The following KCNMA1 variants were observed in gnomAD, a reference collection of about 807,000 sequenced individuals.
KCNMA1 encodes Calcium-activated potassium channel subunit alpha-1.
Under a neutral mutation model 140.0 loss-of-function variants are expected in KCNMA1, and 29 were observed. That is an observed-to-expected ratio of 0.21 (90% CI 0.15 to 0.28). KCNMA1 has a LOEUF of 0.28. Among genes scored for constraint, KCNMA1 ranks in the 10% least tolerant of loss-of-function variants. The pLI is 1.00. For missense variants in KCNMA1, 880 were observed against 1,602.2 expected, an observed-to-expected ratio of 0.55 and a Z score of 7.70; for synonymous variants, 612 against 611.9, an observed-to-expected ratio of 1.00 and a Z score of 0.00.
intron 1 of KCNMA1, among the ~76,000 whole-genome samples, chr10:77,412,717 A>G (rs1200515867): frequency 1.3e-5 from 2 of 152,196 alleles, no homozygotes; most frequent in Admixed American, 1.3e-4. Flanking sequence ...CGGAAATAAA[A>G]GCGCCTCTGC....
At chr10:77,152,649 A>G (rs966038884) in intron 5 of KCNMA1, among the ~76,000 whole-genome samples, 1 of 152,092 alleles carries the variant, frequency 6.6e-6, no homozygotes, top group Non-Finnish European at 1.5e-5. Context: ...CTGGTTGAGG[A>G]GGCATTAAGT....
intron 14 of KCNMA1, among the ~76,000 whole-genome samples, chr10:77,069,494 C>T (rs889341513): frequency 1.3e-5 from 2 of 152,022 alleles, no homozygotes; most frequent in South Asian, 2.1e-4. Context: ...AGAGGGCATG[C>T]CTTGAAGTTT....
chr10:77,029,189 A>G (rs890285935), intron 15 of KCNMA1, among the ~76,000 whole-genome samples: 9 of 152,246 alleles, frequency 5.9e-5, no homozygotes, highest in African/African-American at 2.2e-4. Flanking sequence ...AAATAATTAC[A>G]TACATGATGT....
At chr10:76,969,272 G>GGGAAGA (rs2153141986) in intron 20 of KCNMA1, among the ~76,000 whole-genome samples, 1 of 64,390 alleles carries the variant, frequency 1.6e-5, no homozygotes, top group South Asian at 5.4e-4. Flanking sequence ...GGGAGGGAGG[G>GGGAAGA]AGGGGGAAGA....
At chr10:77,070,820 C>T (rs933242131) in intron 14 of KCNMA1, among the ~76,000 whole-genome samples, 2 of 152,086 alleles carry the variant, frequency 1.3e-5, no homozygotes, top group Non-Finnish European at 2.9e-5. Flanking sequence ...GAGGTAAGTA[C>T]ACAAAGATAG....
intron 1 of KCNMA1, among the ~76,000 whole-genome samples, chr10:77,580,431 A>G (rs963084794): frequency 1.1e-4 from 16 of 152,256 alleles, no homozygotes; most frequent in African/African-American, 3.9e-4. Context: ...GCAAACTAAA[A>G]TCTCTAGGGA....
intron 20 of KCNMA1, 116 bp downstream of exon 20, chr10:76,969,858 C>T: frequency 1.3e-6 from 1 of 787,676 alleles, no homozygotes; most frequent in Non-Finnish European, 2.3e-6. Context: ...GCTCCCCTCC[C>T]CCACCCCGGG....
chr10:77,296,790 T>C (rs1446310014), intron 2 of KCNMA1, among the ~76,000 whole-genome samples: 1 of 151,748 alleles, frequency 6.6e-6, no homozygotes, highest in Non-Finnish European at 1.5e-5. Context: ...CACTCTAGCA[T>C]GTGTCTGTCT....
chr10:77,376,810 T>C (rs993839699), intron 2 of KCNMA1, among the ~76,000 whole-genome samples: 14 of 152,034 alleles, frequency 9.2e-5, no homozygotes, highest in Admixed American at 8.5e-4. Context: ...TCGTGGCGCA[T>C]GCCTGTAATC....
chr10:77,027,774 C>T (rs1478134541), intron 16 of KCNMA1, 49 bp downstream of exon 16: 2 of 1,475,814 alleles, frequency 1.4e-6, no homozygotes, highest in African/African-American at 1.4e-5. Context: ...TCAGAACGCA[C>T]TCTCACCATC....
At chr10:77,500,937 C>G (rs1360551489) in intron 1 of KCNMA1, among the ~76,000 whole-genome samples, 1 of 152,160 alleles carries the variant, frequency 6.6e-6, no homozygotes, top group Admixed American at 6.5e-5. Context: ...GGCTTTACCT[C>G]AAATGGAAAC....
chr10:77,263,729 G>A (rs755851554), intron 2 of KCNMA1, among the ~76,000 whole-genome samples: 5 of 152,096 alleles, frequency 3.3e-5, no homozygotes, highest in African/African-American at 9.7e-5. Flanking sequence ...TTCAGCTGAC[G>A]ATATGACACC....
chr10:77,364,284 C>G (rs1298427602), intron 2 of KCNMA1, among the ~76,000 whole-genome samples: 1 of 152,022 alleles, frequency 6.6e-6, no homozygotes, highest in East Asian at 1.9e-4. Context: ...AACCCTGTCT[C>G]TACTAAAAAT....
At chr10:77,353,212 A>G (rs2093100528) in intron 2 of KCNMA1, among the ~76,000 whole-genome samples, 1 of 152,090 alleles carries the variant, frequency 6.6e-6, no homozygotes, top group Non-Finnish European at 1.5e-5. Flanking sequence ...GCTCCTCACT[A>G]TGATTCACAC....
chr10:77,161,282 T>C (rs2098551317), intron 5 of KCNMA1, among the ~76,000 whole-genome samples: 1 of 152,182 alleles, frequency 6.6e-6, no homozygotes, highest in Non-Finnish European at 1.5e-5. Context: ...GTCTCTGTGT[T>C]TGTCACCCAG....
chr10:77,397,158 TTGTG>T (rs1347067374), intron 2 of KCNMA1, among the ~76,000 whole-genome samples: 1 of 151,998 alleles, frequency 6.6e-6, no homozygotes, highest in Non-Finnish European at 1.5e-5. Flanking sequence ...GTATTTATCT[TTGTG>T]TGTGTATCAC....
At position 77,001,687 on chromosome 10, in the gene KCNMA1, T is replaced by G. The variant is rs879091969; in HGVS notation, c.2093-107A>C. The G allele has an allele frequency of 3.5e-6, 3 of 854,760 alleles. No individual in the cohort carries two copies. In the South Asian group the frequency reaches 5.2e-5, roughly 15 times the overall value. The allele number at this position is 854,760 out of a possible 1,614,324, so 52.9% of individuals were successfully genotyped here. On this transcript the variant is annotated intron_variant, in intron 18 of 27. Transcript: ENST00000286628. ...AGCTGAAGGGATTTAACACAGGTCT[T>G]AGTTCACTTTAACAGTCTTGACCCA...
intron 1 of KCNMA1, among the ~76,000 whole-genome samples, chr10:77,443,197 G>T (rs761539211): frequency 1.3e-5 from 2 of 152,262 alleles, no homozygotes; most frequent in South Asian, 2.1e-4. Context: ...CCTCCCAGGG[G>T]CCTACATATG....
rs542348333 is a variant in KCNMA1, at chr10:77,491,436, C to T, written c.379-87413G>A. ...ATGCTGAGTGAGATTCCCCCCACGG[C>T]GTGCTATTATTACCTGGCACACCAA... On this transcript the variant is annotated intron_variant, in intron 1 of 27. Transcript: ENST00000286628. Among the ~76,000 whole-genome samples, 8 of 152,222 alleles carry T rather than the reference C, an allele frequency of 5.3e-5. No individual in the cohort carries two copies. The East Asian group carries it at 7.7e-4, about 15-fold the overall frequency.
Sources: gnomAD v4.1 joint callset for allele counts (sites outside exome capture counted in the v4.1 genomes callset) on GRCh38, gnomAD v4.1.1 for gene constraint, MANE v1.5 for transcripts, NCBI Gene and HGNC (gene_info 2026-07-23, HGNC 2026-07-21) for gene names.